Variants in CLVS2 observed in about 807,000 individuals in gnomAD.
CLVS2 encodes the protein clavesin 2.
A neutral mutation model predicts 29.0 loss-of-function variants in CLVS2; 19 were observed. The ratio of observed to expected loss-of-function variants is 0.66; its 90% CI spans 0.46 to 0.96. The LOEUF is 0.96. Among genes scored for constraint, CLVS2 ranks in the 40% least tolerant of loss-of-function variants. The probability of loss-of-function intolerance (pLI) is 0.00; values close to 1 mark genes in which losing one functional copy is unlikely to be tolerated. For synonymous variants in CLVS2, 161 were observed against 151.3 expected (o/e 1.06, Z -0.47); for missense variants, 294 against 404.1 (o/e 0.73, Z 2.34).
intron 3 of CLVS2, among the ~76,000 whole-genome samples, chr6:123,039,562 C>G (rs1246316199): frequency 6.6e-6 from 1 of 152,100 alleles, no homozygotes; most frequent in Non-Finnish European, 1.5e-5. Context: ...GACTTTGTGT[C>G]ACATTCTCTA....
At chr6:123,037,097 T>C (rs1775164971) in intron 3 of CLVS2, among the ~76,000 whole-genome samples, 1 of 152,138 alleles carries the variant, frequency 6.6e-6, no homozygotes, top group African/African-American at 2.4e-5. Flanking sequence ...CTTTTCTACA[T>C]CTCTACCGTG....
chr6:123,007,730 C>A (rs945630527), intron 2 of CLVS2, among the ~76,000 whole-genome samples: 9 of 152,162 alleles, frequency 5.9e-5, no homozygotes, highest in Non-Finnish European at 1.2e-4. Context: ...ACACAGCATT[C>A]TTTTCACAAA....
chr6:123,036,080 A>C (rs1003248369), intron 3 of CLVS2, among the ~76,000 whole-genome samples: 2 of 152,110 alleles, frequency 1.3e-5, no homozygotes, highest in African/African-American at 4.8e-5. Flanking sequence ...TCCATTGTAA[A>C]ATTTGAGGGA....
intron 3 of CLVS2, among the ~76,000 whole-genome samples, chr6:123,031,144 T>A (rs1775078175): frequency 6.6e-6 from 1 of 152,080 alleles, no homozygotes; most frequent in Non-Finnish European, 1.5e-5. Flanking sequence ...TAATTTTTTG[T>A]ATTTTTTGTA....
chr6:123,006,462 A>G (rs1176288245), intron 2 of CLVS2, among the ~76,000 whole-genome samples: 2 of 152,188 alleles, frequency 1.3e-5, no homozygotes, highest in Non-Finnish European at 2.9e-5. Context: ...TCTGGAAGAG[A>G]AAGATGGGAG....
intron 5 of CLVS2, among the ~76,000 whole-genome samples, chr6:123,059,318 C>T (rs925247311): frequency 9.2e-5 from 14 of 152,132 alleles, no homozygotes; most frequent in African/African-American, 3.4e-4. Flanking sequence ...ACACTTTTAG[C>T]CTTTGAAATT....
At chr6:123,007,073 C>G (rs1186518389) in intron 2 of CLVS2, among the ~76,000 whole-genome samples, 1 of 152,098 alleles carries the variant, frequency 6.6e-6, no homozygotes, top group East Asian at 1.9e-4. Context: ...CTGTTAAAAA[C>G]TTTACATATA....
intron 2 of CLVS2, among the ~76,000 whole-genome samples, chr6:123,004,953 A>AAAAC (rs1774645225): frequency 3.5e-4 from 4 of 11,500 alleles, no homozygotes; most frequent in African/African-American, 3.0e-3. Context: ...CAAAAAACAA[A>AAAAC]AAAAAAAAAA....
rs1772931135 is a variant in CLVS2 at position 123,070,659 on chromosome 6, A to C, written c.*6898A>C. 6.6e-6 allele frequency: 1 copy of C among 152,008 alleles called. No homozygotes were observed. The highest frequency in any genetic ancestry group is 6.6e-5 in the Admixed American group (1 of 15,220). 9.4% of individuals were successfully genotyped at this position (152,008 alleles called of 1,614,324 possible). On this transcript the variant is annotated 3_prime_UTR_variant, in exon 6 of 6. Transcript: ENST00000275162. Reference sequence around the variant, plus strand: ...GTAAGCACCAGTACAGCAACATAGCATGGTTTCTGATTGGGCTGGCATTTT... The same window carrying C: ...GTAAGCACCAGTACAGCAACATAGCCTGGTTTCTGATTGGGCTGGCATTTT...
At chr6:123,057,334 CTTTTTTTTTTTTTTT>C (rs71541220) in intron 5 of CLVS2, among the ~76,000 whole-genome samples, 5 of 83,686 alleles carry the variant, frequency 6.0e-5, no homozygotes, top group South Asian at 5.0e-4. Flanking sequence ...GGATGGTCTT[CTTTTTTTTTTTTTTT>C]TTTTTTTTTT....
chr6:123,056,192 CA>C (rs1415761996), intron 5 of CLVS2, among the ~76,000 whole-genome samples, 166 bp downstream of exon 5: 3 of 152,060 alleles, frequency 2.0e-5, no homozygotes, highest in Non-Finnish European at 2.9e-5. Flanking sequence ...AAGATAAAGT[CA>C]TTTTCTTATA....
chr6:122,996,835 C>T (rs1297136742), intron 1 of CLVS2, 89 bp downstream of exon 1: 1 of 156,714 alleles, frequency 6.4e-6, no homozygotes, highest in Non-Finnish European at 1.5e-5. Flanking sequence ...CAACGTCCTC[C>T]CCTTCTCTTC....
chr6:123,040,204 T>G lies in CLVS2; in HGVS notation c.565-8418T>G, dbSNP rs560573840. 2.6e-5 allele frequency among the ~76,000 whole-genome samples: 4 copies of G among 152,356 alleles called. No individual in the cohort carries two copies. In the South Asian group the frequency reaches 8.3e-4, roughly 32 times the overall value. On this transcript the variant is annotated intron_variant, in intron 3 of 5. Coordinates refer to ENST00000275162, the MANE Select transcript of CLVS2 (RefSeq NM_001010852.4). ...CTCAGATTTTGAGATAGCCTAATCA[T>G]GTCTGGCCCACACATGTCAGAGGCC...
At chr6:123,059,057 C>T (rs1772737563) in intron 5 of CLVS2, among the ~76,000 whole-genome samples, 2 of 152,150 alleles carry the variant, frequency 1.3e-5, no homozygotes, top group Admixed American at 1.3e-4. Flanking sequence ...GCCTCCCTCT[C>T]TCCTCCAGGT....
At chr6:123,043,473 A>C (rs147076480) in intron 3 of CLVS2, among the ~76,000 whole-genome samples, 2 of 152,234 alleles carry the variant, frequency 1.3e-5, no homozygotes, top group Admixed American at 1.3e-4. Context: ...GCCCTTTGCT[A>C]TGGGGCCTAT....
In CLVS2 at chr6:122,996,273, G is replaced by T. The variant is rs1774501201; in HGVS notation, c.-1033G>T. 6.4e-6 allele frequency: 1 copy of T among 156,584 alleles called. No individual in the cohort carries two copies. The highest frequency in any genetic ancestry group is 1.9e-4 in the East Asian group (1 of 5,286). 9.7% of individuals were successfully genotyped at this position (156,584 alleles called of 1,614,324 possible). A position where few individuals can be genotyped will look rare whatever the true frequency, so the allele number is the denominator to read the frequency against. ...AGCAGCAGCCGGAGCCGCCGCCGCAGCCCGGTGGGGCAACCCTGACTCGGA... is the reference window on the plus strand; with the variant it reads ...AGCAGCAGCCGGAGCCGCCGCCGCATCCCGGTGGGGCAACCCTGACTCGGA... On this transcript the variant is annotated 5_prime_UTR_variant, in exon 1 of 6. Transcript: ENST00000275162.
chr6:123,012,509 A>C (rs1051794900), intron 3 of CLVS2, among the ~76,000 whole-genome samples: 3 of 151,936 alleles, frequency 2.0e-5, no homozygotes, highest in Admixed American at 2.0e-4. Context: ...TAAAAAAAAA[A>C]CACTTCAAGA....
chr6:123,001,665 T>G (rs538867978), intron 2 of CLVS2, among the ~76,000 whole-genome samples: 5 of 152,216 alleles, frequency 3.3e-5, no homozygotes, highest in Non-Finnish European at 5.9e-5. Context: ...TTGTTTTCCT[T>G]CCTAAATGGT....
At position 122,997,656 on chromosome 6, in the gene CLVS2, T is replaced by G. The variant is rs942872034; in HGVS notation, c.-122T>G. On this transcript the variant is annotated 5_prime_UTR_variant, in exon 2 of 6. Coordinates refer to ENST00000275162, the MANE Select transcript of CLVS2 (RefSeq NM_001010852.4). ...GGACACCAAGATTATTAATTTCCTG[T>G]AGGGGAGAGGAAGCAGGCAGCAGGA... The G allele has an allele frequency of 1.2e-5, 11 of 908,934 alleles. No homozygotes were observed. The highest frequency in any genetic ancestry group is 1.7e-5 in the Non-Finnish European group (10 of 583,718). 56.3% of individuals were successfully genotyped at this position (908,934 alleles called of 1,614,324 possible).
Sources: allele counts gnomAD v4.1 joint callset (sites outside exome capture counted in the v4.1 genomes callset), GRCh38; gene constraint gnomAD v4.1.1; transcripts MANE v1.5; gene names NCBI Gene and HGNC (gene_info 2026-07-23, HGNC 2026-07-21).